The following RBMS1 variants were observed in gnomAD, a reference collection of about 807,000 sequenced individuals.
RBMS1 encodes the protein RNA-binding motif, single-stranded-interacting protein 1.
RBMS1 carries 17 observed loss-of-function variants against 62.3 expected under a neutral mutation model. That is an observed-to-expected ratio of 0.27 (90% CI 0.19 to 0.41). RBMS1 has a LOEUF of 0.41. RBMS1 is among the 10% of genes least tolerant of loss of function. The pLI, the probability that RBMS1 is intolerant of heterozygous loss-of-function variation, is 1.00. For missense variants in RBMS1, 334 were observed against 504.5 expected, an observed-to-expected ratio of 0.66 and a Z score of 3.24; for synonymous variants, 172 against 170.0, an observed-to-expected ratio of 1.01 and a Z score of -0.09.
chr2:160,429,243 A>G (rs3923841), intron 1 of RBMS1, among the ~76,000 whole-genome samples: 76,709 of 151,932 alleles, frequency 0.5, 20,478 homozygotes, highest in East Asian at 0.63. Context: ...CTTTTTTTTC[A>G]TATAATATGA....
intron 10 of RBMS1, 118 bp from the exon 11 acceptor site, chr2:160,278,776 C>G: frequency 1.6e-6 from 1 of 635,338 alleles, no homozygotes; most frequent in Non-Finnish European, 2.7e-6. Flanking sequence ...CAAAAACAAC[C>G]TTCCTCAATC....
intron 1 of RBMS1, among the ~76,000 whole-genome samples, chr2:160,420,412 C>G (rs1696376745): frequency 6.6e-6 from 1 of 152,166 alleles, no homozygotes; most frequent in Admixed American, 6.5e-5. Flanking sequence ...TTTTCCTACT[C>G]TCATCTATTT....
chr2:160,299,199 A>C (rs1689088695), intron 6 of RBMS1, among the ~76,000 whole-genome samples: 3 of 152,238 alleles, frequency 2.0e-5, no homozygotes, highest in African/African-American at 7.2e-5. Context: ...GGAAGTAAGG[A>C]AGTGAAGACT....
chr2:160,349,415 T>C (rs879417368), intron 2 of RBMS1, among the ~76,000 whole-genome samples: 6 of 152,096 alleles, frequency 3.9e-5, no homozygotes, highest in African/African-American at 1.4e-4. Context: ...TCCAGGATGA[T>C]AGAGAAGAAT....
intron 1 of RBMS1, among the ~76,000 whole-genome samples, chr2:160,450,607 G>A (rs1683942242): frequency 6.8e-6 from 1 of 146,010 alleles, no homozygotes; most frequent in African/African-American, 2.5e-5. Flanking sequence ...GTTTGTAATA[G>A]TGGTGGTTTG....
At chr2:160,447,531 G>A (rs1182898943) in intron 1 of RBMS1, among the ~76,000 whole-genome samples, 1 of 152,186 alleles carries the variant, frequency 6.6e-6, no homozygotes, top group Non-Finnish European at 1.5e-5. Context: ...CTTATAAAAG[G>A]ATAAAAGCAC....
chr2:160,353,718 G>A (rs1212868506), intron 2 of RBMS1, among the ~76,000 whole-genome samples: 3 of 152,016 alleles, frequency 2.0e-5, no homozygotes, highest in African/African-American at 7.2e-5. Context: ...CCCCTTCCTA[G>A]TTTTGTGACT....
intron 1 of RBMS1, among the ~76,000 whole-genome samples, chr2:160,474,490 C>T (rs577876681): frequency 1.2e-4 from 19 of 152,256 alleles, no homozygotes; most frequent in Admixed American, 3.9e-4. Context: ...AAAACATCTC[C>T]GTGAAACCAG....
At chr2:160,463,833 A>G (rs1221783129) in intron 1 of RBMS1, among the ~76,000 whole-genome samples, 1 of 152,180 alleles carries the variant, frequency 6.6e-6, no homozygotes, top group Non-Finnish European at 1.5e-5. Flanking sequence ...AGGCAATTTA[A>G]CTTTATGTCT....
intron 1 of RBMS1, among the ~76,000 whole-genome samples, chr2:160,393,561 C>T (rs182118552): frequency 3.9e-5 from 6 of 152,090 alleles, no homozygotes; most frequent in Admixed American, 6.5e-5. Context: ...GGCAGAGCAC[C>T]GAGGTCGGGA....
intron 1 of RBMS1, among the ~76,000 whole-genome samples, chr2:160,424,551 A>G (rs1016514700): frequency 1.4e-4 from 21 of 152,224 alleles, no homozygotes; most frequent in African/African-American, 4.8e-4. Context: ...ATGAAGCCCC[A>G]TTAACTGGCC....
chr2:160,404,324 G>A (rs890007714), intron 1 of RBMS1, among the ~76,000 whole-genome samples: 1 of 152,126 alleles, frequency 6.6e-6, no homozygotes. Context: ...GCTACACTAC[G>A]TGGGGGCAGG....
At chr2:160,367,145 G>C (rs2106024557) in intron 2 of RBMS1, 71 bp downstream of exon 2, 2 of 1,462,506 alleles carry the variant, frequency 1.4e-6, no homozygotes, top group South Asian at 2.4e-5. Context: ...TTATAATGCA[G>C]TATATATCAC....
At chr2:160,441,567 T>C (rs1385555595) in intron 1 of RBMS1, among the ~76,000 whole-genome samples, 3 of 152,106 alleles carry the variant, frequency 2.0e-5, no homozygotes, top group African/African-American at 7.2e-5. Context: ...CTATAAAAAA[T>C]TTAAAAAATT....
chr2:160,341,857 T>C (rs745482578), intron 2 of RBMS1, among the ~76,000 whole-genome samples: 1 of 152,204 alleles, frequency 6.6e-6, no homozygotes, highest in Non-Finnish European at 1.5e-5. Flanking sequence ...AGACCTAAGG[T>C]TGACCTTTCA....
In RBMS1 at chr2:160,374,106, C is replaced by T. The variant is rs532067597; in HGVS notation, c.76-6715G>A. On this transcript the variant is annotated intron_variant, in intron 1 of 13. Coordinates refer to ENST00000348849, the MANE Select transcript of RBMS1 (RefSeq NM_016836.4). ...TGAATAACATAGCAGGACCCTGACT[C>T]TACAAAAAAAATTTGGTGGCACACG... Among the ~76,000 whole-genome samples the T allele has an allele frequency of 3.0e-4, 45 of 151,958 alleles. No individual in the cohort carries two copies. In the East Asian group the frequency reaches 8.3e-3, roughly 28 times the overall value.
chr2:160,396,648 C>T (rs962762894), intron 1 of RBMS1, among the ~76,000 whole-genome samples: 3 of 149,444 alleles, frequency 2.0e-5, no homozygotes, highest in Non-Finnish European at 3.0e-5. Context: ...TCACTGCAAC[C>T]TCCGCCTCCC....
At chr2:160,466,228 A>G (rs897497194) in intron 1 of RBMS1, among the ~76,000 whole-genome samples, 1 of 152,170 alleles carries the variant, frequency 6.6e-6, no homozygotes, top group Non-Finnish European at 1.5e-5. Flanking sequence ...TATTCTGCCA[A>G]TCATGCCTAT....
chr2:160,466,539 A>T (rs1684699164), intron 1 of RBMS1, among the ~76,000 whole-genome samples: 2 of 152,176 alleles, frequency 1.3e-5, no homozygotes, highest in African/African-American at 4.8e-5. Flanking sequence ...CATTTCTCAA[A>T]TGTTAACACA....
Sources: gnomAD v4.1 joint callset for allele counts (sites outside exome capture counted in the v4.1 genomes callset) on GRCh38, gnomAD v4.1.1 for gene constraint, MANE v1.5 for transcripts, NCBI Gene and HGNC (gene_info 2026-07-23, HGNC 2026-07-21) for gene names.